The following LRRC4C variants were observed in gnomAD, a reference collection of about 807,000 sequenced individuals.
The protein encoded by LRRC4C is leucine rich repeat containing 4C, also known as leucine-rich repeat-containing protein 4C.
LRRC4C carries 5 observed loss-of-function variants against 33.6 expected under a neutral mutation model. The ratio of observed to expected loss-of-function variants is 0.15; its 90% CI spans 0.08 to 0.31. The LOEUF is 0.31. LRRC4C is among the 10% of genes least tolerant of loss of function. LRRC4C has a pLI of 1.00. For missense variants in LRRC4C, 560 were observed against 796.7 expected (o/e 0.70, Z 3.58); for synonymous variants, 329 against 302.0 (o/e 1.09, Z -0.93).
At chr11:40,678,015 G>A (rs1460047957) in intron 2 of LRRC4C, among the ~76,000 whole-genome samples, 1 of 152,062 alleles carries the variant, frequency 6.6e-6, no homozygotes, top group Non-Finnish European at 1.5e-5. Context: ...AACCTTAAGA[G>A]TACCAATGTC....
intron 1 of LRRC4C, among the ~76,000 whole-genome samples, chr11:41,373,699 G>T (rs1221355963): frequency 6.6e-6 from 1 of 152,044 alleles, no homozygotes; most frequent in Non-Finnish European, 1.5e-5. Flanking sequence ...TAAAGATACC[G>T]ACAGTGTAAG....
intron 2 of LRRC4C, among the ~76,000 whole-genome samples, chr11:40,687,943 A>G (rs1206863801): frequency 6.6e-6 from 1 of 152,030 alleles, no homozygotes; most frequent in Non-Finnish European, 1.5e-5. Flanking sequence ...TATAATAAAT[A>G]CCTGGATAAA....
At chr11:40,209,468 G>C (rs1001412726) in intron 5 of LRRC4C, among the ~76,000 whole-genome samples, 4 of 152,102 alleles carry the variant, frequency 2.6e-5, no homozygotes, top group African/African-American at 9.7e-5. Flanking sequence ...TACAATCAAA[G>C]TACAATTTGG....
intron 3 of LRRC4C, among the ~76,000 whole-genome samples, chr11:40,492,859 T>C (rs2138531447): frequency 6.6e-6 from 1 of 152,206 alleles, no homozygotes; most frequent in South Asian, 2.1e-4. Flanking sequence ...AAGCAGATTA[T>C]GAGAATGACC....
intron 3 of LRRC4C, among the ~76,000 whole-genome samples, chr11:40,362,401 G>A (rs1947997171): frequency 6.6e-6 from 1 of 151,862 alleles, no homozygotes; most frequent in Admixed American, 6.6e-5. Context: ...TATGAGAAAT[G>A]TAAACAAATT....
At chr11:40,910,776 T>A (rs1187863363) in intron 2 of LRRC4C, among the ~76,000 whole-genome samples, 1 of 151,986 alleles carries the variant, frequency 6.6e-6, no homozygotes, top group African/African-American at 2.4e-5. Flanking sequence ...GTGCAAGGGG[T>A]CAGGGAATTC....
At chr11:40,227,897 G>A (rs1454282890) in intron 5 of LRRC4C, among the ~76,000 whole-genome samples, 2 of 152,162 alleles carry the variant, frequency 1.3e-5, no homozygotes, top group Admixed American at 6.5e-5. Flanking sequence ...TGGACATGAT[G>A]CCTGCTAGGT....
intron 2 of LRRC4C, among the ~76,000 whole-genome samples, chr11:40,685,725 C>T (rs1167318984): frequency 6.6e-6 from 1 of 151,706 alleles, no homozygotes; most frequent in Non-Finnish European, 1.5e-5. Context: ...AGAGAGAGAA[C>T]TTGATCAGTA....
chr11:40,542,081 TTC>T (rs1422040958), intron 3 of LRRC4C, among the ~76,000 whole-genome samples: 1 of 149,510 alleles, frequency 6.7e-6, no homozygotes, highest in African/African-American at 2.4e-5. Context: ...TCTCTTTTCT[TTC>T]TCTTTCTTTT....
intron 2 of LRRC4C, among the ~76,000 whole-genome samples, chr11:40,803,112 A>C (rs899990879): frequency 2.0e-5 from 3 of 152,212 alleles, no homozygotes; most frequent in Admixed American, 2.0e-4. Context: ...GCAAGCTACC[A>C]GTTAAGTACT....
At chr11:40,572,060 T>G (rs977899988) in intron 3 of LRRC4C, among the ~76,000 whole-genome samples, 3 of 152,194 alleles carry the variant, frequency 2.0e-5, no homozygotes, top group Non-Finnish European at 2.9e-5. Context: ...TTTTCCTCTT[T>G]AACAAATGAC....
intron 3 of LRRC4C, among the ~76,000 whole-genome samples, chr11:40,637,083 C>T (rs1941796856): frequency 1.3e-5 from 2 of 152,218 alleles, no homozygotes; most frequent in South Asian, 4.1e-4. Context: ...CTTCCAGGCA[C>T]TCAGATTCTT....
intron 1 of LRRC4C, among the ~76,000 whole-genome samples, chr11:41,068,130 C>T (rs1365562119): frequency 3.9e-5 from 6 of 152,216 alleles, no homozygotes; most frequent in Admixed American, 2.6e-4. Context: ...TGGTGGCTCA[C>T]GCCTGTAGTC....
At chr11:40,348,302 C>T (rs1349204730) in intron 3 of LRRC4C, among the ~76,000 whole-genome samples, 1 of 151,372 alleles carries the variant, frequency 6.6e-6, no homozygotes, top group Non-Finnish European at 1.5e-5. Context: ...ATCTGTGAAG[C>T]ACAATAAAAC....
intron 1 of LRRC4C, among the ~76,000 whole-genome samples, chr11:41,157,414 T>C (rs542681745): frequency 3.0e-4 from 45 of 152,164 alleles, no homozygotes; most frequent in Middle Eastern, 3.4e-3. Context: ...TAAAAGTCCA[T>C]AGGACCATAT....
chr11:40,979,179 A>G (rs962936554), intron 1 of LRRC4C, among the ~76,000 whole-genome samples: 1 of 152,110 alleles, frequency 6.6e-6, no homozygotes, highest in African/African-American at 2.4e-5. Context: ...CTTTTGCCAT[A>G]AGTTCTCATA....
intron 1 of LRRC4C, among the ~76,000 whole-genome samples, chr11:41,158,642 A>G (rs1228553460): frequency 2.0e-5 from 3 of 152,102 alleles, no homozygotes. Context: ...TTCACCCCAA[A>G]CAAAAACTAT....
At chr11:40,736,220 G>A (rs1443808534) in intron 2 of LRRC4C, among the ~76,000 whole-genome samples, 1 of 151,652 alleles carries the variant, frequency 6.6e-6, no homozygotes, top group Non-Finnish European at 1.5e-5. Context: ...GTGTCCATGT[G>A]TTCTCATTGT....
At chr11:40,290,117 T>A (rs1221382139) in intron 4 of LRRC4C, among the ~76,000 whole-genome samples, 2 of 152,170 alleles carry the variant, frequency 1.3e-5, no homozygotes, top group Non-Finnish European at 2.9e-5. Flanking sequence ...GGGGTTCCCA[T>A]GTGAAGCCAG....
Sources: allele counts gnomAD v4.1 joint callset (sites outside exome capture counted in the v4.1 genomes callset), GRCh38; gene constraint gnomAD v4.1.1; transcripts MANE v1.5; gene names NCBI Gene and HGNC (gene_info 2026-07-23, HGNC 2026-07-21).